The following GPATCH2L variants were observed in gnomAD, a reference collection of about 807,000 sequenced individuals.
GPATCH2L encodes G patch domain-containing protein 2-like.
A neutral mutation model predicts 57.4 loss-of-function variants in GPATCH2L; 31 were observed. The observed-to-expected ratio is 0.54, with a 90% CI of 0.41 to 0.73. The LOEUF is 0.73. Among genes scored for constraint, GPATCH2L ranks in the 30% least tolerant of loss-of-function variants. The probability of loss-of-function intolerance (pLI) is 0.00; values close to 1 mark genes in which losing one functional copy is unlikely to be tolerated. For missense variants in GPATCH2L, 481 were observed against 599.9 expected, an observed-to-expected ratio of 0.80 and a Z score of 2.07; for synonymous variants, 199 against 210.7, an observed-to-expected ratio of 0.94 and a Z score of 0.48.
downstream of GPATCH2L, among the ~76,000 whole-genome samples, chr14:76,217,572 T>C (rs967633530): frequency 1.4e-5 from 2 of 147,712 alleles, no homozygotes; most frequent in African/African-American, 5.1e-5. Context: ...TTAGATGCAA[T>C]AAGAGGAGAT....
At chr14:76,152,670 A>G (rs1355091279) in intron 1 of GPATCH2L, 1 of 456,064 alleles carries the variant, frequency 2.2e-6, no homozygotes, top group Admixed American at 2.3e-5. Flanking sequence ...TACTGTTGGA[A>G]TTACAGGCTT....
rs942022745 is a variant in GPATCH2L, at chr14:76,202,558, C to T, written c.*707C>T. Reference sequence around the variant, plus strand: ...GTATACACACACACACACACACACACACACAGATTGGTATAATGGAGAAGA... The same window carrying T: ...GTATACACACACACACACACACACATACACAGATTGGTATAATGGAGAAGA... On this transcript the variant is annotated 3_prime_UTR_variant, in exon 10 of 10. Transcript: ENST00000261530. 2 of 140,668 alleles carry T rather than the reference C, an allele frequency of 1.4e-5. No homozygotes were observed. The highest frequency in any genetic ancestry group is 4.9e-5 in the African/African-American group (2 of 40,920). The allele number at this position is 140,668 out of a possible 1,614,324, so 8.7% of individuals were successfully genotyped here.
At position 76,232,024 on chromosome 14, in the gene GPATCH2L, G is replaced by A. The variant is rs2040573481; in HGVS notation, c.*117+2071G>A. Among the ~76,000 whole-genome samples the A allele has an allele frequency of 2.3e-3, 4 of 1,760 alleles. No homozygotes were observed. The South Asian group carries it at 0.051, about 23-fold the overall frequency. The allele number at this position is 1,760 out of a possible 152,430, so 1.2% of individuals were successfully genotyped here. ...CACTGCAGGCTCAAGCAATCTTCCT[G>A]CTTCAGCCCTCCAAGTAGCTGGGAC... is the stretch of plus-strand genomic sequence containing the variant. On this transcript the variant is annotated intron_variant and NMD_transcript_variant, in intron 2 of 3. Coordinates refer to the GPATCH2L transcript ENST00000556372.
intron 2 of GPATCH2L, among the ~76,000 whole-genome samples, chr14:76,160,856 C>A (rs772982935): frequency 2.6e-5 from 4 of 152,142 alleles, no homozygotes; most frequent in Non-Finnish European, 4.4e-5. Flanking sequence ...GATGGGTGGA[C>A]TTCTCTGAGG....
chr14:76,166,155 G>A (rs1331293900), intron 2 of GPATCH2L, among the ~76,000 whole-genome samples: 2 of 152,234 alleles, frequency 1.3e-5, no homozygotes, highest in East Asian at 1.9e-4. Context: ...GTATCTGCTC[G>A]ATATGAAGGA....
At chr14:76,181,438 C>T (rs1468944430) in intron 8 of GPATCH2L, among the ~76,000 whole-genome samples, 1 of 152,234 alleles carries the variant, frequency 6.6e-6, no homozygotes, top group African/African-American at 2.4e-5. Context: ...TGCTCGTTAT[C>T]TGTTTGTTTC....
chr14:76,165,369 G>T (rs2038782700), intron 2 of GPATCH2L, among the ~76,000 whole-genome samples: 1 of 151,862 alleles, frequency 6.6e-6, no homozygotes, highest in African/African-American at 2.4e-5. Context: ...GTGCGCGCCT[G>T]TAATCCCAGC....
downstream of GPATCH2L, among the ~76,000 whole-genome samples, chr14:76,217,132 C>T (rs2040493328): frequency 6.6e-6 from 1 of 152,152 alleles, no homozygotes; most frequent in African/African-American, 2.4e-5. Context: ...CAGGGGTCAG[C>T]AAGCCACATA....
chr14:76,215,913 T>TA (rs200224941), downstream of GPATCH2L, among the ~76,000 whole-genome samples: 3 of 150,828 alleles, frequency 2.0e-5, no homozygotes, highest in East Asian at 5.8e-4. Context: ...AAAGTATAAT[T>TA]AAAAAAATAA....
chr14:76,200,202 T>C (rs1318832303), intron 9 of GPATCH2L, among the ~76,000 whole-genome samples: 1 of 152,126 alleles, frequency 6.6e-6, no homozygotes, highest in Non-Finnish European at 1.5e-5. Context: ...GTTTAATGGG[T>C]ACAGAGTTTC....
chr14:76,170,099 A>G (rs2039017802), intron 3 of GPATCH2L, among the ~76,000 whole-genome samples: 1 of 152,180 alleles, frequency 6.6e-6, no homozygotes, highest in African/African-American at 2.4e-5. Context: ...TTATAAGGGA[A>G]CACTTTGAGT....
intron 8 of GPATCH2L, among the ~76,000 whole-genome samples, chr14:76,189,147 AGTTTT>A (rs147768071): frequency 0.22 from 33,825 of 151,696 alleles, 4,394 homozygotes; most frequent in African/African-American, 0.37. Flanking sequence ...TGGTTCCTTC[AGTTTT>A]GTTCTTTTTG....
chr14:76,176,727 C>A, intron 6 of GPATCH2L, 37 bp downstream of exon 6: 2 of 1,388,498 alleles, frequency 1.4e-6, no homozygotes, highest in Non-Finnish European at 1.0e-6. Context: ...TGCTAGTCTG[C>A]TCCTTGGAGG....
At position 76,157,835 on chromosome 14, in the gene GPATCH2L, T is replaced by C. The variant is rs187873861; in HGVS notation, c.662+2810T>C. ...TTCTGTTTCTGGTCTTCCTTTAATATTACACCAGCCAATCCCTCACAAGTT... is the reference window on the plus strand; with the variant it reads ...TTCTGTTTCTGGTCTTCCTTTAATACTACACCAGCCAATCCCTCACAAGTT... On this transcript the variant is annotated intron_variant, in intron 2 of 9. Coordinates refer to ENST00000261530, the MANE Select transcript of GPATCH2L (RefSeq NM_017926.4). 1.5e-3 allele frequency among the ~76,000 whole-genome samples: 228 copies of C among 152,330 alleles called. 1 individual carries two copies. The highest frequency in any genetic ancestry group is 2.1e-3 in the Non-Finnish European group (144 of 68,022).
chr14:76,216,039 G>A (rs1021163094), downstream of GPATCH2L, among the ~76,000 whole-genome samples: 1 of 152,074 alleles, frequency 6.6e-6, no homozygotes, highest in African/African-American at 2.4e-5. Flanking sequence ...CCTCTGTTGT[G>A]CTGACTGAGA....
At chr14:76,167,940 TG>T (rs532771536) in intron 3 of GPATCH2L, among the ~76,000 whole-genome samples, 166 of 152,326 alleles carry the variant, frequency 1.1e-3, no homozygotes, top group Admixed American at 3.4e-3. Flanking sequence ...AGTATAGAGA[TG>T]GAAGAAAGTG....
chr14:76,154,473 G>A lies in GPATCH2L; in HGVS notation c.110G>A (p.Arg37Gln). 1.4e-5 allele frequency: 22 copies of A among 1,614,184 alleles called. No individual in the cohort carries two copies. The highest frequency in any genetic ancestry group is 1.6e-5 in the Non-Finnish European group (19 of 1,180,036). Residue 37 changes from arginine to glutamine, a missense_variant, in exon 2 of 10, where the codon CGG becomes CAG. Physicochemically the swap from Arg to Gln is conservative, Grantham distance 43. This residue lies in a region of GPATCH2L where 208 missense variants were observed against 272.4 expected (regional missense o/e 0.76). Transcript: ENST00000261530. The surrounding 1 kb of genome is among the most constrained non-coding windows in gnomAD (Gnocchi z 4.4). ...GCGCTGAGCCCCCGACAGCAGAGGC[G>A]GCAGCTTCGGAAACGCCGAGGTCGG... The part of the protein sequence containing the change: ...EMALSPRQQR[R>Q]QLRKRRGRKR...
Position 76,202,329 on chromosome 14 carries a change from A to ATTG in GPATCH2L, c.*478_*479insTTG, listed in dbSNP as rs2040324025. 6.5e-6 allele frequency: 1 copy of ATTG among 152,810 alleles called. No homozygotes were observed. The highest frequency in any genetic ancestry group is 2.4e-5 in the African/African-American group (1 of 41,458). 9.5% of individuals were successfully genotyped at this position (152,810 alleles called of 1,614,324 possible). ...TCGCAGGAGATAAGGCTTGCCTTTG[A>ATTG]GCCTACTCTTGATTCATGCAGAGTG... On this transcript the variant is annotated 3_prime_UTR_variant, in exon 10 of 10. Transcript: ENST00000261530.
At chr14:76,199,538 A>T (rs1178424505) in intron 9 of GPATCH2L, among the ~76,000 whole-genome samples, 1 of 152,168 alleles carries the variant, frequency 6.6e-6, no homozygotes, top group African/African-American at 2.4e-5. Context: ...GAACATTTGG[A>T]TTGTATTCCT....
Sources: gnomAD v4.1 joint callset for allele counts (sites outside exome capture counted in the v4.1 genomes callset) on GRCh38, gnomAD v4.1.1 for gene constraint, gnomAD v4.1.1 regional missense constraint, Gnocchi (gnomAD v3.1) non-coding constraint, MANE v1.5 for transcripts, NCBI Gene and HGNC (gene_info 2026-07-23, HGNC 2026-07-21) for gene names.